SRGAP3: variants seen among roughly 807,000 people sequenced by gnomAD.
SRGAP3 encodes the protein SLIT-ROBO Rho GTPase-activating protein 3.
SRGAP3 carries 39 observed loss-of-function variants against 121.1 expected under a neutral mutation model. The observed-to-expected ratio is 0.32, with a 90% CI of 0.25 to 0.42. SRGAP3 has a LOEUF of 0.42. Ranked by LOEUF, SRGAP3 falls within the 10% of genes least tolerant of loss-of-function variation. The pLI, the probability that SRGAP3 is intolerant of heterozygous loss-of-function variation, is 1.00. For synonymous variants in SRGAP3, 601 were observed against 570.0 expected, an observed-to-expected ratio of 1.05 and a Z score of -0.77; for missense variants, 1,213 against 1,470.6, an observed-to-expected ratio of 0.82 and a Z score of 2.86.
At chr3:9,206,907 G>A (rs1040765770) in intron 1 of SRGAP3, among the ~76,000 whole-genome samples, 2 of 152,172 alleles carry the variant, frequency 1.3e-5, no homozygotes, top group Non-Finnish European at 2.9e-5. Flanking sequence ...AACTCCAGGA[G>A]GGCAGGGACT....
intron 3 of SRGAP3, among the ~76,000 whole-genome samples, chr3:9,096,962 TATATATATATATATATATACAC>T (rs1560138707): frequency 2.1e-5 from 2 of 93,886 alleles, no homozygotes; most frequent in Non-Finnish European, 4.2e-5. Flanking sequence ...TATATATATA[TATATATATATATATATATACAC>T]ATACACACAC....
intron 1 of SRGAP3, among the ~76,000 whole-genome samples, chr3:9,345,719 G>C (rs1955875749): frequency 1.4e-5 from 2 of 140,258 alleles, no homozygotes; most frequent in Non-Finnish European, 3.0e-5. Flanking sequence ...ACGGGAGATG[G>C]AGGTTGCAGT....
At chr3:9,306,477 G>A (rs1049166554) in intron 3 of SRGAP3, among the ~76,000 whole-genome samples, 2 of 152,144 alleles carry the variant, frequency 1.3e-5, no homozygotes, top group African/African-American at 4.8e-5. Flanking sequence ...TTTAGTCATT[G>A]AAGTCCTTGC....
chr3:9,314,656 CCCT>C (rs1955313822), intron 3 of SRGAP3, among the ~76,000 whole-genome samples: 1 of 151,834 alleles, frequency 6.6e-6, no homozygotes, highest in Non-Finnish European at 1.5e-5. Context: ...CCCCACCCTG[CCCT>C]CCTCTCTCCA....
At chr3:9,340,241 T>C (rs995803517) in intron 1 of SRGAP3, among the ~76,000 whole-genome samples, 1 of 152,248 alleles carries the variant, frequency 6.6e-6, no homozygotes, top group Admixed American at 6.5e-5. Context: ...CAATCTATTT[T>C]GTTTATAGAT....
intron 1 of SRGAP3, among the ~76,000 whole-genome samples, chr3:9,216,031 C>T (rs1952606040): frequency 6.6e-6 from 1 of 152,184 alleles, no homozygotes; most frequent in South Asian, 2.1e-4. Flanking sequence ...TACACACATA[C>T]ACATACACAC....
chr3:9,124,636 C>T, intron 2 of SRGAP3, 89 bp downstream of exon 2: 1 of 1,555,348 alleles, frequency 6.4e-7, no homozygotes, highest in Non-Finnish European at 8.8e-7. Flanking sequence ...TCCAATGAAG[C>T]TGGCTGGCCT....
At chr3:9,360,060 T>C (rs563577701) in intron 1 of SRGAP3, among the ~76,000 whole-genome samples, 1 of 152,302 alleles carries the variant, frequency 6.6e-6, no homozygotes, top group South Asian at 2.1e-4. Flanking sequence ...CTCTTCAGTG[T>C]CTGGTACCAC....
chr3:9,078,452 C>T (rs898307447), intron 4 of SRGAP3, among the ~76,000 whole-genome samples: 2 of 152,106 alleles, frequency 1.3e-5, no homozygotes, highest in African/African-American at 2.4e-5. Flanking sequence ...TTTATCACCA[C>T]CCTTCCCCCC....
rs1267584952 is a variant in SRGAP3 at position 9,239,626 on chromosome 3, T to C, written c.67+9259A>G. ...TGCAGCAGTGTGCACCCCATTACCA[T>C]CACGCACAGATGGGCACACGCAATG... On this transcript the variant is annotated intron_variant, in intron 1 of 21. Coordinates refer to ENST00000383836, the MANE Select transcript of SRGAP3 (RefSeq NM_014850.4). The surrounding 1 kb of genome is among the most constrained non-coding windows in gnomAD (Gnocchi z 4.0). 2.0e-5 allele frequency among the ~76,000 whole-genome samples: 3 copies of C among 152,116 alleles called. No individual in the cohort carries two copies. Among genetic ancestry groups the C allele is most frequent in the Non-Finnish European group, 4.4e-5 (3 of 68,018 alleles).
chr3:9,355,579 T>A (rs1033910697), intron 1 of SRGAP3, among the ~76,000 whole-genome samples: 1 of 152,198 alleles, frequency 6.6e-6, no homozygotes, highest in Non-Finnish European at 1.5e-5. Context: ...TGTTGTTTCA[T>A]TCAGGGTCTA....
At chr3:9,025,562 T>C (rs1003475505) in intron 13 of SRGAP3, among the ~76,000 whole-genome samples, 1 of 152,190 alleles carries the variant, frequency 6.6e-6, no homozygotes, top group East Asian at 1.9e-4. Flanking sequence ...TGATCTTCTG[T>C]TTGAGCTTAA....
intron 8 of SRGAP3, among the ~76,000 whole-genome samples, chr3:9,055,446 G>T (rs546488404): frequency 1.3e-5 from 2 of 152,346 alleles, no homozygotes; most frequent in South Asian, 4.1e-4. Flanking sequence ...AGTCCAGGTT[G>T]GAATAGGATG....
chr3:9,057,073 G>A (rs1007694389), intron 7 of SRGAP3, among the ~76,000 whole-genome samples: 9 of 152,172 alleles, frequency 5.9e-5, no homozygotes, highest in African/African-American at 2.2e-4. Flanking sequence ...CTGTTTGTTT[G>A]TTTGTTTTTT....
intron 3 of SRGAP3, among the ~76,000 whole-genome samples, chr3:9,270,937 G>T (rs1265400881): frequency 6.6e-6 from 1 of 152,096 alleles, no homozygotes; most frequent in African/African-American, 2.4e-5. Context: ...GCATGTATGT[G>T]TATGCTGTGC....
In SRGAP3 at chr3:8,984,633, G is replaced by A; in HGVS notation, c.*886C>T. 1 of 232,718 alleles carries A rather than the reference G, an allele frequency of 4.3e-6. No homozygotes were observed. 14.4% of individuals were successfully genotyped at this position (232,718 alleles called of 1,614,324 possible). A position where few individuals can be genotyped will look rare whatever the true frequency, so the allele number is the denominator to read the frequency against. On this transcript the variant is annotated 3_prime_UTR_variant, in exon 22 of 22. Coordinates refer to ENST00000383836, the MANE Select transcript of SRGAP3 (RefSeq NM_014850.4). The stretch of plus-strand genomic sequence containing the variant: ...CGTCTCTACACACAAACACAAGGAT[G>A]TGGTAGTCAGGGGTCTTCTCGCCAA...
intron 1 of SRGAP3, among the ~76,000 whole-genome samples, chr3:9,354,681 C>CAAA (rs34026081): frequency 1.1e-4 from 8 of 70,758 alleles, no homozygotes; most frequent in African/African-American, 1.9e-4. Context: ...GACTCCATCT[C>CAAA]AAAAAAAAAA....
intron 2 of SRGAP3, among the ~76,000 whole-genome samples, chr3:9,118,666 G>A (rs1293514340): frequency 1.3e-5 from 2 of 149,526 alleles, no homozygotes; most frequent in Admixed American, 6.9e-5. Flanking sequence ...CTCCCCCAGG[G>A]GGCTTGTTAA....
chr3:9,190,552 C>T (rs375777386), intron 1 of SRGAP3, among the ~76,000 whole-genome samples: 10 of 152,266 alleles, frequency 6.6e-5, no homozygotes, highest in East Asian at 1.9e-4. Context: ...GAGAAAGAGG[C>T]GCCCATCGAT....
Sources: gnomAD v4.1 joint callset for allele counts (sites outside exome capture counted in the v4.1 genomes callset) on GRCh38, gnomAD v4.1.1 for gene constraint, Gnocchi (gnomAD v3.1) non-coding constraint, MANE v1.5 for transcripts, NCBI Gene and HGNC (gene_info 2026-07-23, HGNC 2026-07-21) for gene names.